DPYD: variants seen among roughly 807,000 people sequenced by gnomAD.
DPYD encodes the protein dihydropyrimidine dehydrogenase [NADP(+)].
A neutral mutation model predicts 116.2 loss-of-function variants in DPYD; 109 were observed. The ratio of observed to expected loss-of-function variants is 0.94; its 90% confidence interval spans 0.80 to 1.10. The LOEUF is 1.10. DPYD is among the 50% of genes least tolerant of loss of function. DPYD has a pLI of 0.00. For synonymous variants in DPYD, 440 were observed against 432.0 expected (o/e 1.02, Z -0.23); for missense variants, 1,302 against 1,254.5 (o/e 1.04, Z -0.57).
At chr1:97,324,152 GT>G (rs1668589479) in intron 16 of DPYD, among the ~76,000 whole-genome samples, 1 of 151,840 alleles carries the variant, frequency 6.6e-6, no homozygotes, top group Admixed American at 6.6e-5. Flanking sequence ...GAGCCTTTTC[GT>G]TTTTTGCCCA....
intron 18 of DPYD, chr1:97,279,934 C>T (rs1213970113): frequency 6.6e-6 from 1 of 152,178 alleles, no homozygotes; most frequent in Non-Finnish European, 1.5e-5. Context: ...TACCATTCAT[C>T]CACTGATCCC....
chr1:97,492,695 G>C (rs751204185), intron 13 of DPYD, among the ~76,000 whole-genome samples: 1 of 152,044 alleles, frequency 6.6e-6, no homozygotes, highest in Non-Finnish European at 1.5e-5. Context: ...AAGCAGCAAT[G>C]ATCTGCTACT....
intron 13 of DPYD, among the ~76,000 whole-genome samples, chr1:97,459,800 C>A (rs1407830025): frequency 1.3e-5 from 2 of 151,528 alleles, no homozygotes; most frequent in Non-Finnish European, 2.9e-5. Flanking sequence ...AAATATTGAA[C>A]AATAACAAGA....
At chr1:97,720,191 C>T (rs1205233228) in intron 5 of DPYD, 4 of 981,044 alleles carry the variant, frequency 4.1e-6, no homozygotes, top group Non-Finnish European at 4.8e-6. Context: ...CACACACAAA[C>T]ACACACACCT....
intron 8 of DPYD, among the ~76,000 whole-genome samples, chr1:97,653,063 CT>C (rs1658684464): frequency 6.6e-6 from 1 of 152,114 alleles, no homozygotes; most frequent in Non-Finnish European, 1.5e-5. Flanking sequence ...ACTCAACCCC[CT>C]AGATGGTCAT....
chr1:97,166,860 CAA>C (rs1656364702), intron 20 of DPYD, among the ~76,000 whole-genome samples: 1 of 152,072 alleles, frequency 6.6e-6, no homozygotes, highest in African/African-American at 2.4e-5. Flanking sequence ...ACTTATATTT[CAA>C]AGTTTAAAAA....
chr1:97,631,023 G>T (rs970089021), intron 8 of DPYD, among the ~76,000 whole-genome samples: 4 of 152,042 alleles, frequency 2.6e-5, no homozygotes, highest in African/African-American at 7.2e-5. Context: ...AAGAAATGGA[G>T]GTAGTTGAAA....
At chr1:97,535,364 T>A (rs1054420817) in intron 12 of DPYD, among the ~76,000 whole-genome samples, 2 of 152,138 alleles carry the variant, frequency 1.3e-5, no homozygotes, top group Non-Finnish European at 2.9e-5. Context: ...ACCCCATGCA[T>A]TAGAGCGCTG....
chr1:97,761,601 T>C (rs1041461421), intron 3 of DPYD, among the ~76,000 whole-genome samples: 1 of 152,160 alleles, frequency 6.6e-6, no homozygotes, highest in African/African-American at 2.4e-5. Context: ...CCAATCATTG[T>C]GGAAAGCAGT....
chr1:97,290,999 A>C (rs1666111522), intron 18 of DPYD, among the ~76,000 whole-genome samples: 1 of 152,168 alleles, frequency 6.6e-6, no homozygotes, highest in African/African-American at 2.4e-5. Flanking sequence ...AGAAAAAACC[A>C]AACAACCCCA....
chr1:97,802,310 G>A lies in DPYD; in HGVS notation c.233+25804C>T, dbSNP rs1454580995. The stretch of plus-strand genomic sequence containing the variant: ...ATTAAGACAAATCTTTCTTCTGCCT[G>A]AATAAGAACTGCCAAAATGTCAGAG... On this transcript the variant is annotated intron_variant, in intron 3 of 22. Coordinates refer to ENST00000370192, the MANE Select transcript of DPYD (RefSeq NM_000110.4). 3.3e-5 allele frequency among the ~76,000 whole-genome samples: 5 copies of A among 151,942 alleles called. No homozygotes were observed. The East Asian group carries it at 7.7e-4, about 24-fold the overall frequency.
chr1:97,855,337 C>T (rs1341084327), intron 2 of DPYD: 1 of 152,086 alleles, frequency 6.6e-6, no homozygotes, highest in Non-Finnish European at 1.5e-5. Flanking sequence ...TAAGCCCAGG[C>T]ACAGGTCCCT....
At chr1:97,885,774 A>G (rs1672456457) in intron 1 of DPYD, among the ~76,000 whole-genome samples, 1 of 152,106 alleles carries the variant, frequency 6.6e-6, no homozygotes, top group Non-Finnish European at 1.5e-5. Flanking sequence ...TTTTCTGAGT[A>G]TGGGACTTAT....
chr1:97,140,096 C>T (rs549209291), intron 20 of DPYD, among the ~76,000 whole-genome samples: 1 of 151,876 alleles, frequency 6.6e-6, no homozygotes, highest in African/African-American at 2.4e-5. Flanking sequence ...CACTTGCTGA[C>T]TGTAGTGATA....
intron 20 of DPYD, among the ~76,000 whole-genome samples, chr1:97,144,656 T>G (rs1654478017): frequency 6.6e-6 from 1 of 152,206 alleles, no homozygotes; most frequent in South Asian, 2.1e-4. Context: ...TTCTTGGGAT[T>G]GTTATGACTC....
chr1:97,915,845 T>C (rs1674183408), intron 1 of DPYD, among the ~76,000 whole-genome samples: 1 of 152,220 alleles, frequency 6.6e-6, no homozygotes, highest in Non-Finnish European at 1.5e-5. Flanking sequence ...TTAGCTGTAT[T>C]GAAGCCTGGA....
chr1:97,313,949 G>T (rs181634359), intron 16 of DPYD, among the ~76,000 whole-genome samples: 14 of 152,086 alleles, frequency 9.2e-5, no homozygotes, highest in Non-Finnish European at 1.6e-4. Flanking sequence ...AAAGAATGAA[G>T]AATTTCTAAT....
chr1:97,323,998 C>G (rs1177360567), intron 16 of DPYD, among the ~76,000 whole-genome samples: 1 of 151,902 alleles, frequency 6.6e-6, no homozygotes, highest in African/African-American at 2.4e-5. Flanking sequence ...AAGTTTTAAC[C>G]TCACAATCAG....
chr1:97,812,449 A>ATG (rs1457863914), intron 3 of DPYD, among the ~76,000 whole-genome samples: 1 of 152,102 alleles, frequency 6.6e-6, no homozygotes, highest in African/African-American at 2.4e-5. Flanking sequence ...GGTGCAAGGA[A>ATG]TGTGTGTGTA....
Sources: gnomAD v4.1 joint callset for allele counts (sites outside exome capture counted in the v4.1 genomes callset) on GRCh38, gnomAD v4.1.1 for gene constraint, MANE v1.5 for transcripts, NCBI Gene and HGNC (gene_info 2026-07-23, HGNC 2026-07-21) for gene names.